Variants in ANTXR2 observed in about 807,000 individuals in gnomAD.
ANTXR2 encodes anthrax toxin receptor 2.
A neutral mutation model predicts 73.7 loss-of-function variants in ANTXR2; 44 were observed. The observed-to-expected ratio is 0.60, with a 90% CI of 0.47 to 0.77. The LOEUF is 0.77. Ranked by LOEUF, ANTXR2 falls within the 30% of genes least tolerant of loss-of-function variation. ANTXR2 has a pLI of 0.00. For synonymous variants in ANTXR2, 217 were observed against 205.9 expected (o/e 1.05, Z -0.46); for missense variants, 604 against 592.5 (o/e 1.02, Z -0.20).
chr4:80,054,475 G>T, intron 6 of ANTXR2, 123 bp from the exon 7 acceptor site: 1 of 672,238 alleles, frequency 1.5e-6, no homozygotes, highest in Non-Finnish European at 2.5e-6. Context: ...TTACCAGCGT[G>T]ATCTGTGTTC....
At chr4:80,056,115 T>C (rs761862877) in intron 3 of ANTXR2, 102 bp from the exon 4 acceptor site, 2 of 705,478 alleles carry the variant, frequency 2.8e-6, no homozygotes, top group South Asian at 5.3e-5. Flanking sequence ...CTTTCTTCAG[T>C]AGGAAGCAGA....
intron 16 of ANTXR2, among the ~76,000 whole-genome samples, chr4:79,965,702 T>C (rs1180834899): frequency 6.6e-6 from 1 of 152,214 alleles, no homozygotes; most frequent in East Asian, 1.9e-4. Context: ...AAAGTTTATT[T>C]TAAAAAGAAT....
At chr4:80,056,454 C>T (rs1162635985) in intron 3 of ANTXR2, among the ~76,000 whole-genome samples, 6 of 151,912 alleles carry the variant, frequency 3.9e-5, no homozygotes, top group Admixed American at 3.9e-4. Context: ...ATTGCTAAAG[C>T]ACATTATTTA....
At chr4:80,030,108 G>A (rs967073954) in intron 10 of ANTXR2, among the ~76,000 whole-genome samples, 7 of 151,986 alleles carry the variant, frequency 4.6e-5, no homozygotes, top group African/African-American at 1.7e-4. Context: ...CAGTAACTTG[G>A]TCTAGAATGG....
chr4:80,008,959 C>T (rs906068809), intron 11 of ANTXR2, among the ~76,000 whole-genome samples: 8 of 152,134 alleles, frequency 5.3e-5, no homozygotes, highest in African/African-American at 1.7e-4. Context: ...TGGTTCAAAG[C>T]AAATTACCCA....
intron 7 of ANTXR2, among the ~76,000 whole-genome samples, chr4:80,051,409 T>C (rs1164273485): frequency 6.6e-6 from 1 of 151,606 alleles, no homozygotes; most frequent in Non-Finnish European, 1.5e-5. Context: ...GCCTTAAGAA[T>C]AGTAAGGGCT....
chr4:79,911,959 T>A (rs999457313), intron 16 of ANTXR2, among the ~76,000 whole-genome samples: 7 of 151,942 alleles, frequency 4.6e-5, no homozygotes, highest in African/African-American at 1.7e-4. Context: ...AATCATTGAA[T>A]CATAAACTTT....
intron 8 of ANTXR2, among the ~76,000 whole-genome samples, chr4:80,035,110 A>T (rs1732894536): frequency 1.3e-5 from 2 of 152,170 alleles, no homozygotes; most frequent in South Asian, 4.1e-4. Flanking sequence ...TACCCTCAGC[A>T]CAAAATTGGA....
intron 7 of ANTXR2, among the ~76,000 whole-genome samples, chr4:80,040,871 T>C (rs1335574459): frequency 6.6e-6 from 1 of 151,912 alleles, no homozygotes; most frequent in Non-Finnish European, 1.5e-5. Context: ...TAAGGAGTAT[T>C]TACAAATAAA....
chr4:80,072,889 T>A lies in ANTXR2; in HGVS notation c.-329A>T. On this transcript the variant is annotated 5_prime_UTR_variant, in exon 1 of 17. Coordinates refer to ENST00000403729, the MANE Select transcript of ANTXR2 (RefSeq NM_058172.6). ...CCACGGCGACAGCTCGCGAAAGGAG[T>A]TCCTCTCCGGCCTGGGGCCGAGCCT... 1 of 307,962 alleles carries A rather than the reference T, an allele frequency of 3.2e-6. No homozygotes were observed. Among genetic ancestry groups the A allele is most frequent in the Non-Finnish European group, 5.3e-6 (1 of 188,614 alleles). 19.1% of individuals were successfully genotyped at this position (307,962 alleles called of 1,614,324 possible).
rs544182858 is a variant in ANTXR2 at position 80,054,256 on chromosome 4, C to A, written c.636+16G>T. On this transcript the variant is annotated intron_variant, in intron 7 of 16. Transcript: ENST00000403729. Reference sequence around the variant, plus strand: ...ACAAGGTTATGAGCCCTTCCTGCCCCCAGAGAAATACTCACAGAATTAATT... The same window carrying A: ...ACAAGGTTATGAGCCCTTCCTGCCCACAGAGAAATACTCACAGAATTAATT... 3.2e-6 allele frequency: 5 copies of A among 1,574,780 alleles called. No individual in the cohort carries two copies. The highest frequency in any genetic ancestry group is 2.3e-5 in the East Asian group (1 of 43,884).
chr4:79,993,326 G>A (rs186155499), intron 12 of ANTXR2, among the ~76,000 whole-genome samples: 60 of 151,294 alleles, frequency 4.0e-4, no homozygotes, highest in Middle Eastern at 3.4e-3. Flanking sequence ...AGGAAAAAAG[G>A]GAGAGAAGAG....
chr4:80,036,471 C>A (rs970374491), intron 7 of ANTXR2, among the ~76,000 whole-genome samples: 2 of 152,062 alleles, frequency 1.3e-5, no homozygotes, highest in Non-Finnish European at 2.9e-5. Context: ...AAAAGCACTG[C>A]TGACTGGGTG....
At chr4:80,042,599 T>A (rs1341931444) in intron 7 of ANTXR2, among the ~76,000 whole-genome samples, 1 of 152,064 alleles carries the variant, frequency 6.6e-6, no homozygotes, top group East Asian at 1.9e-4. Flanking sequence ...TACTCCATTT[T>A]ATTGTACCTA....
intron 12 of ANTXR2, among the ~76,000 whole-genome samples, chr4:79,998,858 G>A (rs1454891048): frequency 3.3e-5 from 5 of 151,906 alleles, no homozygotes; most frequent in Admixed American, 3.3e-4. Flanking sequence ...TTCACTAATG[G>A]TAGTGCCTAA....
intron 10 of ANTXR2, among the ~76,000 whole-genome samples, chr4:80,027,216 C>T (rs1469941119): frequency 6.6e-6 from 1 of 151,926 alleles, no homozygotes; most frequent in African/African-American, 2.4e-5. Context: ...ATTAGGGATT[C>T]TATAGACATA....
intron 12 of ANTXR2, among the ~76,000 whole-genome samples, chr4:79,996,868 AT>A (rs1301360055): frequency 6.6e-6 from 1 of 151,916 alleles, no homozygotes; most frequent in South Asian, 2.1e-4. Flanking sequence ...AGTTGCCAGA[AT>A]TTTTTCCACT....
chr4:79,920,038 T>C (rs1727534014), intron 16 of ANTXR2, among the ~76,000 whole-genome samples: 1 of 151,366 alleles, frequency 6.6e-6, no homozygotes, highest in Admixed American at 6.6e-5. Context: ...CCTTTAATGC[T>C]AAGTGGGAAT....
intron 16 of ANTXR2, among the ~76,000 whole-genome samples, chr4:79,933,927 A>G (rs930485464): frequency 4.0e-5 from 6 of 151,426 alleles, no homozygotes; most frequent in African/African-American, 1.5e-4. Flanking sequence ...TTTAGTAGAG[A>G]TGGGGTTTCG....
Sources: gnomAD v4.1 joint callset for allele counts (sites outside exome capture counted in the v4.1 genomes callset) on GRCh38, gnomAD v4.1.1 for gene constraint, MANE v1.5 for transcripts, NCBI Gene and HGNC (gene_info 2026-07-23, HGNC 2026-07-21) for gene names.